The following FBXL17 variants were observed in gnomAD, a reference collection of about 807,000 sequenced individuals.
FBXL17 encodes the protein F-box and leucine rich repeat protein 17, also known as F-box/LRR-repeat protein 17.
FBXL17 carries 22 observed loss-of-function variants against 66.2 expected under a neutral mutation model. That is an observed-to-expected ratio of 0.33 (90% CI 0.24 to 0.47). The LOEUF is 0.47. FBXL17 is among the 20% of genes least tolerant of loss of function. The probability of loss-of-function intolerance (pLI) is 1.00; values close to 1 mark genes in which losing one functional copy is unlikely to be tolerated. For synonymous variants in FBXL17, 474 were observed against 400.5 expected, an observed-to-expected ratio of 1.18 and a Z score of -2.19; for missense variants, 878 against 948.2, an observed-to-expected ratio of 0.93 and a Z score of 0.97.
chr5:108,122,330 G>C (rs897937348), intron 6 of FBXL17, among the ~76,000 whole-genome samples: 2 of 152,100 alleles, frequency 1.3e-5, no homozygotes, highest in African/African-American at 4.8e-5. Context: ...ACAAAGCCAG[G>C]ATTCAAATTC....
At chr5:108,303,361 AACACACACACACACACACAC>A (rs58495859) in intron 4 of FBXL17, among the ~76,000 whole-genome samples, 1 of 141,870 alleles carries the variant, frequency 7.0e-6, no homozygotes, top group African/African-American at 2.5e-5. Context: ...CACAGGCATA[AACACACACACACACACACAC>A]ACACACACAC....
At position 108,164,188 on chromosome 5, in the gene FBXL17, A is replaced by T. The variant is rs564402272; in HGVS notation, c.1745+21929T>A. On this transcript the variant is annotated intron_variant, in intron 6 of 8. Transcript: ENST00000542267. ...AGAAAATATCAACAGGAAATAGGAT[A>T]AGCACATAATTAATTTATTATCCAA... Among the ~76,000 whole-genome samples the T allele has an allele frequency of 2.5e-4, 38 of 152,374 alleles. 1 individual carries two copies. In the South Asian group the frequency reaches 7.7e-3, roughly 31 times the overall value.
At chr5:108,204,518 T>C (rs1325179565) in intron 5 of FBXL17, among the ~76,000 whole-genome samples, 3 of 152,164 alleles carry the variant, frequency 2.0e-5, no homozygotes, top group African/African-American at 7.2e-5. Context: ...CTGATTGAAA[T>C]CATTTGTACT....
At chr5:107,894,846 A>G (rs954456646) in intron 7 of FBXL17, among the ~76,000 whole-genome samples, 17 of 152,128 alleles carry the variant, frequency 1.1e-4, no homozygotes, top group African/African-American at 3.6e-4. Context: ...ACCATAAAAT[A>G]TAATAATTTT....
chr5:108,274,050 G>C lies in FBXL17; in HGVS notation c.1507-49822C>G, dbSNP rs140517033. ...AAACAAAAATGTCTAATATCTATAA[G>C]AAAGAATGAAAAATAATTAAAGACT... On this transcript the variant is annotated intron_variant, in intron 4 of 8. Coordinates refer to ENST00000542267, the MANE Select transcript of FBXL17 (RefSeq NM_001163315.3). Among the ~76,000 whole-genome samples, 800 of 148,230 alleles carry C rather than the reference G, an allele frequency of 5.4e-3. 9 individuals are homozygous for C. Among genetic ancestry groups the C allele is most frequent in the African/African-American group, 0.018 (758 of 41,274 alleles).
chr5:108,365,435 A>C (rs893177345), intron 2 of FBXL17, among the ~76,000 whole-genome samples: 3 of 152,136 alleles, frequency 2.0e-5, no homozygotes, highest in Non-Finnish European at 4.4e-5. Flanking sequence ...ATTGGGTTAT[A>C]AAAACTCAAA....
intron 6 of FBXL17, among the ~76,000 whole-genome samples, chr5:108,102,072 C>T (rs929801567): frequency 6.6e-6 from 1 of 151,992 alleles, no homozygotes; most frequent in Non-Finnish European, 1.5e-5. Flanking sequence ...GAATTCGTTT[C>T]GGCAGCTTGT....
At chr5:108,269,687 A>T (rs1222186131) in intron 4 of FBXL17, among the ~76,000 whole-genome samples, 1 of 151,960 alleles carries the variant, frequency 6.6e-6, no homozygotes, top group Admixed American at 6.5e-5. Flanking sequence ...CCTTCCAACA[A>T]TATATCACCT....
intron 4 of FBXL17, among the ~76,000 whole-genome samples, chr5:108,273,179 G>A (rs1397708164): frequency 6.6e-6 from 1 of 151,996 alleles, no homozygotes; most frequent in Non-Finnish European, 1.5e-5. Flanking sequence ...GTGGAGGCAG[G>A]GCGAGATCAC....
chr5:108,338,486 C>A (rs1360618695), intron 4 of FBXL17, among the ~76,000 whole-genome samples: 3 of 152,044 alleles, frequency 2.0e-5, no homozygotes, highest in African/African-American at 7.2e-5. Flanking sequence ...GATCTGGTAA[C>A]AGACACTACA....
At chr5:108,176,671 T>C (rs1752804280) in intron 6 of FBXL17, among the ~76,000 whole-genome samples, 1 of 152,138 alleles carries the variant, frequency 6.6e-6, no homozygotes, top group Non-Finnish European at 1.5e-5. Context: ...AGATTTTTCC[T>C]TTAAAGTGAT....
chr5:108,364,718 T>A lies in FBXL17; in HGVS notation c.1374+20A>T, dbSNP rs371972809. 1 of 1,576,942 alleles carries A rather than the reference T, an allele frequency of 6.3e-7. No individual in the cohort carries two copies. The highest frequency in any genetic ancestry group is 8.6e-7 in the Non-Finnish European group (1 of 1,158,208). Reference sequence around the variant, plus strand: ...TTTAATTAATTCAAGTAAAATCACTTTATAAATGCTAAAATTTACCTGCTT... The same window carrying A: ...TTTAATTAATTCAAGTAAAATCACTATATAAATGCTAAAATTTACCTGCTT... On this transcript the variant is annotated intron_variant, in intron 3 of 8. Coordinates refer to ENST00000542267, the MANE Select transcript of FBXL17 (RefSeq NM_001163315.3).
chr5:108,203,164 G>A (rs1001818275), intron 5 of FBXL17, among the ~76,000 whole-genome samples: 2 of 152,076 alleles, frequency 1.3e-5, no homozygotes, highest in Middle Eastern at 6.8e-3. Flanking sequence ...CGTACATCAT[G>A]ATGAATATTT....
At chr5:107,875,571 A>G (rs1400595241) in intron 8 of FBXL17, among the ~76,000 whole-genome samples, 3 of 152,214 alleles carry the variant, frequency 2.0e-5, no homozygotes, top group Admixed American at 6.5e-5. Flanking sequence ...CTGGCTCGAA[A>G]GAGCTGATTG....
At chr5:108,272,918 C>A (rs1260154608) in intron 4 of FBXL17, among the ~76,000 whole-genome samples, 9 of 152,144 alleles carry the variant, frequency 5.9e-5, no homozygotes, top group Admixed American at 5.9e-4. Flanking sequence ...CCCCGATATT[C>A]ACGTAGGTTC....
At chr5:108,182,851 C>T (rs1490673158) in intron 6 of FBXL17, among the ~76,000 whole-genome samples, 1 of 151,998 alleles carries the variant, frequency 6.6e-6, no homozygotes, top group African/African-American at 2.4e-5. Context: ...ATCCACTCTC[C>T]CATCTGTATT....
At chr5:108,075,286 A>G (rs1305463036) in intron 6 of FBXL17, among the ~76,000 whole-genome samples, 1 of 152,146 alleles carries the variant, frequency 6.6e-6, no homozygotes, top group Non-Finnish European at 1.5e-5. Flanking sequence ...ATTTTGTGCT[A>G]CCTTAGCATC....
chr5:108,035,268 A>C (rs921770212), intron 6 of FBXL17, among the ~76,000 whole-genome samples: 5 of 152,232 alleles, frequency 3.3e-5, no homozygotes, highest in African/African-American at 9.6e-5. Context: ...CTGTGAGTTT[A>C]AAAATCTCTC....
intron 8 of FBXL17, among the ~76,000 whole-genome samples, chr5:107,867,175 C>G (rs1195099243): frequency 6.6e-6 from 1 of 152,180 alleles, no homozygotes; most frequent in East Asian, 1.9e-4. Flanking sequence ...TCCTTTAATC[C>G]TCTGAAGTTC....
Sources: gnomAD v4.1 joint callset for allele counts (sites outside exome capture counted in the v4.1 genomes callset) on GRCh38, gnomAD v4.1.1 for gene constraint, MANE v1.5 for transcripts, NCBI Gene and HGNC (gene_info 2026-07-23, HGNC 2026-07-21) for gene names.